The following SSBP4 variants were observed in gnomAD, a reference collection of about 807,000 sequenced individuals.
SSBP4 encodes the protein single stranded DNA binding protein 4.
SSBP4 carries 33 observed loss-of-function variants against 64.6 expected under a neutral mutation model. The ratio of observed to expected loss-of-function variants is 0.51; its 90% CI spans 0.39 to 0.68. The LOEUF (loss-of-function observed/expected upper bound fraction) is 0.68, where lower values mean the gene tolerates loss of function less well. Among genes scored for constraint, SSBP4 ranks in the 30% least tolerant of loss-of-function variants. The probability of loss-of-function intolerance (pLI) is 0.00; values close to 1 mark genes in which losing one functional copy is unlikely to be tolerated. For missense variants in SSBP4, 583 were observed against 566.8 expected (o/e 1.03, Z -0.29); for synonymous variants, 243 against 224.0 (o/e 1.08, Z -0.76).
At chr19:18,432,391 ATGGGT>A (rs1008069582) in intron 10 of SSBP4, among the ~76,000 whole-genome samples, 163 bp from the exon 11 acceptor site, 2 of 152,132 alleles carry the variant, frequency 1.3e-5, no homozygotes, top group Admixed American at 6.5e-5. Flanking sequence ...GGGGCCAGTG[ATGGGT>A]TGGGATTGGA....
rs763318192 is a variant in SSBP4, at chr19:18,432,901, G to A, written c.841+18G>A. The A allele has an allele frequency of 1.9e-6, 3 of 1,614,018 alleles. No individual in the cohort carries two copies. Among genetic ancestry groups the A allele is most frequent in the Non-Finnish European group, 2.5e-6 (3 of 1,179,982 alleles). On this transcript the variant is annotated intron_variant, in intron 13 of 17. Transcript: ENST00000270061. ...CCCTGGAGGTATGGCCTAGTAAGAGGTGGGGGTGTGCTAGGGTGGGTGTGT... is the reference window on the plus strand; with the variant it reads ...CCCTGGAGGTATGGCCTAGTAAGAGATGGGGGTGTGCTAGGGTGGGTGTGT...
At position 18,432,367 on chromosome 19, in the gene SSBP4, G is replaced by T. The variant is rs796154546; in HGVS notation, c.704+153G>T. On this transcript the variant is annotated intron_variant, in intron 10 of 17. Coordinates refer to ENST00000270061, the MANE Select transcript of SSBP4 (RefSeq NM_032627.5). ...TGAGGGGAAACTGAGACTTGAAGTAGCAATTAGTCTCCTGGGGCCAGTGAT... is the reference window on the plus strand; with the variant it reads ...TGAGGGGAAACTGAGACTTGAAGTATCAATTAGTCTCCTGGGGCCAGTGAT... 3.3e-5 allele frequency among the ~76,000 whole-genome samples: 5 copies of T among 152,296 alleles called. No homozygotes were observed. In the South Asian group the frequency reaches 1.0e-3, roughly 32 times the overall value.
chr19:18,428,056 T>TGGGGGGGGGGGTGGGGGGGG, intron 4 of SSBP4, 74 bp downstream of exon 4: 1 of 444,250 alleles, frequency 2.3e-6, no homozygotes, highest in Non-Finnish European at 3.7e-6. Flanking sequence ...GGAGGTGGGG[T>TGGGGGGGGGGGTGGGGGGGG]GGGGGGCTGC....
At chr19:18,406,852 G>A in the SSBP4 span, among the ~76,000 whole-genome samples, 4 of 152,014 alleles carry the variant, frequency 2.6e-5, no homozygotes, top group South Asian at 2.1e-4. Context: ...GTCTGGGCCA[G>A]GGAGGACTTA....
chr19:18,419,041 T>G, upstream of SSBP4: 4 of 985,604 alleles, frequency 4.1e-6, no homozygotes, highest in Non-Finnish European at 4.8e-6. Context: ...CTATCCGCAG[T>G]CGTTCCAGCA....
the SSBP4 span, among the ~76,000 whole-genome samples, chr19:18,407,191 C>G: frequency 6.6e-6 from 1 of 151,894 alleles, no homozygotes; most frequent in Admixed American, 6.6e-5. Context: ...ATGCACACCA[C>G]CACGCCTGGC....
At position 18,419,726 on chromosome 19, in the gene SSBP4, G is replaced by C; in HGVS notation, c.59+19G>C. The C allele has an allele frequency of 8.8e-7, 1 of 1,142,406 alleles. No individual in the cohort carries two copies. The highest frequency in any genetic ancestry group is 1.1e-6 in the Non-Finnish European group (1 of 929,686). The allele number at this position is 1,142,406 out of a possible 1,614,324, so 70.8% of individuals were successfully genotyped here. Reference sequence around the variant, plus strand: ...GCGAGAAGTGAGTGCGGGGCCGGGGGCGGGGCTCGGCGTCCGCGCTCTTCC... The same window carrying C: ...GCGAGAAGTGAGTGCGGGGCCGGGGCCGGGGCTCGGCGTCCGCGCTCTTCC... On this transcript the variant is annotated intron_variant, in intron 1 of 17. Coordinates refer to ENST00000270061, the MANE Select transcript of SSBP4 (RefSeq NM_032627.5).
chr19:18,411,293 G>GACC, the SSBP4 span, among the ~76,000 whole-genome samples: 3 of 151,892 alleles, frequency 2.0e-5, no homozygotes, highest in African/African-American at 7.3e-5. Flanking sequence ...AGGAGTTTGA[G>GACC]ACCAGCCTGG....
At chr19:18,428,830 T>G (rs1973069225) in intron 4 of SSBP4, among the ~76,000 whole-genome samples, 2 of 152,190 alleles carry the variant, frequency 1.3e-5, no homozygotes, top group African/African-American at 4.8e-5. Flanking sequence ...TCACTGCTGT[T>G]CACCCCCATG....
Position 18,427,675 on chromosome 19 carries a change from T to G in SSBP4, c.133-77T>G. 2.0e-6 allele frequency: 3 copies of G among 1,473,832 alleles called. No homozygotes were observed. The highest frequency in any genetic ancestry group is 2.8e-6 in the Non-Finnish European group (3 of 1,090,030). The allele number at this position is 1,473,832 out of a possible 1,614,324, so 91.3% of individuals were successfully genotyped here. A position where few individuals can be genotyped will look rare whatever the true frequency, so the allele number is the denominator to read the frequency against. The stretch of plus-strand genomic sequence containing the variant: ...CCTCCCCACTCCCTCCCTGCCCAGA[T>G]GTTCTCTGGGCACCCTGCTGGGTGG... On this transcript the variant is annotated intron_variant, in intron 2 of 17. Coordinates refer to ENST00000270061, the MANE Select transcript of SSBP4 (RefSeq NM_032627.5). The surrounding 1 kb of genome is among the most constrained non-coding windows in gnomAD (Gnocchi z 4.4).
upstream of SSBP4, among the ~76,000 whole-genome samples, chr19:18,417,902 G>A (rs372757228): frequency 6.6e-6 from 1 of 152,104 alleles, no homozygotes; most frequent in Non-Finnish European, 1.5e-5. This position sits in a 1 kb window ranked among gnomAD's most constrained non-coding sequence, Gnocchi z 5.4. Context: ...CTCACGTACT[G>A]GGGGGCGGCC....
In SSBP4 at chr19:18,430,857, C is replaced by G. The variant is rs1301234879; in HGVS notation, c.296C>G (p.Pro99Arg). 2.5e-6 allele frequency: 4 copies of G among 1,612,994 alleles called. No individual in the cohort carries two copies. The highest frequency in any genetic ancestry group is 1.3e-5 in the African/African-American group (1 of 74,918). The change falls in exon 5 of 18, where the codon CCC becomes CGC. Residue 99 changes from proline (P) to arginine (R), a missense_variant. This residue lies in a region of SSBP4 where 444 missense variants were observed against 386.6 expected (regional missense o/e 1.15). Coordinates refer to ENST00000270061, the MANE Select transcript of SSBP4 (RefSeq NM_032627.5). ...CCCTTACAGAGTGCTGCAGCCGCCC[C>G]CAGCCCCGTTATGGGGAGTATGGCC... ...AFQDYSAAAAPSPVMGSMAPG... is the reference protein window; with the variant it reads ...AFQDYSAAAARSPVMGSMAPG...
At chr19:18,415,989 C>T (rs1167060608), upstream of SSBP4, among the ~76,000 whole-genome samples, 1 of 152,108 alleles carries the variant, frequency 6.6e-6, no homozygotes, top group Non-Finnish European at 1.5e-5. Context: ...CCACCTTGAT[C>T]TCACTGGCAA....
chr19:18,417,848 C>G (rs981637914), upstream of SSBP4, among the ~76,000 whole-genome samples: 2 of 151,964 alleles, frequency 1.3e-5, no homozygotes, highest in East Asian at 1.9e-4. This position sits in a 1 kb window ranked among gnomAD's most constrained non-coding sequence, Gnocchi z 5.4. Context: ...CGGCGGCTCC[C>G]GACTTCCCGC....
At chr19:18,432,674 C>T (rs774147582) in intron 11 of SSBP4, 26 bp from the exon 12 acceptor site, 3 of 1,558,746 alleles carry the variant, frequency 1.9e-6, no homozygotes, top group Admixed American at 3.6e-5. Context: ...GCCTGGCTGA[C>T]TGCTCACAGC....
Position 18,426,988 on chromosome 19 carries a change from G to A in SSBP4, c.60-363G>A, listed in dbSNP as rs1248857764. 6.6e-6 allele frequency among the ~76,000 whole-genome samples: 1 copy of A among 152,136 alleles called. No homozygotes were observed. Among genetic ancestry groups the A allele is most frequent in the East Asian group, 1.9e-4 (1 of 5,160 alleles). The stretch of plus-strand genomic sequence containing the variant: ...GGATGAGTTTGGAGGTGGGCCCTGA[G>A]CACACTACATGGCCCAGGGTGCCCA... On this transcript the variant is annotated intron_variant, in intron 1 of 17. Transcript: ENST00000270061. This position sits in a 1 kb window ranked among gnomAD's most constrained non-coding sequence, Gnocchi z 4.5.
chr19:18,423,536 C>T lies in SSBP4; in HGVS notation c.60-3815C>T, dbSNP rs372612975. Among the ~76,000 whole-genome samples, 11 of 152,266 alleles carry T rather than the reference C, an allele frequency of 7.2e-5. No individual in the cohort carries two copies. In the East Asian group the frequency reaches 1.3e-3, roughly 19 times the overall value. ...AGCCATGAGTGGCAGGTGTCTCCTG[C>T]CCCAGCAGCATCTGTGTCTAGGAAG... On this transcript the variant is annotated intron_variant, in intron 1 of 17. Coordinates refer to ENST00000270061, the MANE Select transcript of SSBP4 (RefSeq NM_032627.5). This position sits in a 1 kb window ranked among gnomAD's most constrained non-coding sequence, Gnocchi z 4.0.
At chr19:18,415,551 G>T (rs1220186650), upstream of SSBP4, among the ~76,000 whole-genome samples, 3 of 152,146 alleles carry the variant, frequency 2.0e-5, no homozygotes, top group Non-Finnish European at 4.4e-5. Flanking sequence ...TCTTGCGGGG[G>T]CAGTGCCCAG....
chr19:18,404,635 G>A, the SSBP4 span, among the ~76,000 whole-genome samples: 2 of 147,196 alleles, frequency 1.4e-5, no homozygotes, highest in Non-Finnish European at 3.0e-5. Context: ...GCTCACGCCT[G>A]TAATCCCAGC....
Sources: allele counts gnomAD v4.1 joint callset (sites outside exome capture counted in the v4.1 genomes callset), GRCh38; gene constraint gnomAD v4.1.1; regional missense constraint gnomAD v4.1.1; non-coding constraint Gnocchi (gnomAD v3.1); transcripts MANE v1.5; gene names NCBI Gene and HGNC (gene_info 2026-07-23, HGNC 2026-07-21).